FHIP1A: variants seen among roughly 807,000 people sequenced by gnomAD.
FHIP1A encodes the protein FHF complex subunit HOOK-interacting protein 1A.
FHIP1A carries 61 observed loss-of-function variants against 88.6 expected under a neutral mutation model. The observed-to-expected ratio is 0.69, with a 90% CI of 0.56 to 0.85. The LOEUF is 0.85. FHIP1A is among the 40% of genes least tolerant of loss of function. The pLI, the probability that FHIP1A is intolerant of heterozygous loss-of-function variation, is 0.00. For missense variants in FHIP1A, 1,154 were observed against 1,273.5 expected, an observed-to-expected ratio of 0.91 and a Z score of 1.43; for synonymous variants, 478 against 496.0, an observed-to-expected ratio of 0.96 and a Z score of 0.48.
At chr4:151,419,026 G>A (rs540987560) in intron 1 of FHIP1A, among the ~76,000 whole-genome samples, 27 of 152,228 alleles carry the variant, frequency 1.8e-4, no homozygotes, top group Admixed American at 1.7e-3. Flanking sequence ...CTCAACTCAA[G>A]GCGTGATGGT....
chr4:151,445,198 T>C lies in FHIP1A; in HGVS notation c.-355-9503T>C, dbSNP rs551170071. Among the ~76,000 whole-genome samples, 3 of 152,244 alleles carry C rather than the reference T, an allele frequency of 2.0e-5. No homozygotes were observed. The East Asian group carries it at 5.8e-4, about 29-fold the overall frequency. The stretch of plus-strand genomic sequence containing the variant: ...TGTTACTAATTTACTACAAAGTATA[T>C]ATTAAAGGATACAAATGAACAACCA... On this transcript the variant is annotated intron_variant, in intron 1 of 13. Transcript: ENST00000435205.
chr4:151,502,093 A>G (rs949496029), intron 3 of FHIP1A, among the ~76,000 whole-genome samples: 10 of 151,182 alleles, frequency 6.6e-5, no homozygotes, highest in African/African-American at 2.4e-4. Context: ...ATGTGGGAGA[A>G]TCACTTGAGC....
At chr4:151,575,647 C>T (rs554146806) in intron 4 of FHIP1A, among the ~76,000 whole-genome samples, 4 of 152,142 alleles carry the variant, frequency 2.6e-5, no homozygotes, top group Non-Finnish European at 4.4e-5. Context: ...ATTTTTTTGC[C>T]TTTGTGACAC....
chr4:151,448,149 C>T (rs1465055911), intron 1 of FHIP1A, among the ~76,000 whole-genome samples: 1 of 151,910 alleles, frequency 6.6e-6, no homozygotes, highest in Non-Finnish European at 1.5e-5. Flanking sequence ...GAGCTCCTGG[C>T]CTCAAGTGAC....
At chr4:151,454,340 T>C (rs1728897355) in intron 1 of FHIP1A, among the ~76,000 whole-genome samples, 1 of 152,184 alleles carries the variant, frequency 6.6e-6, no homozygotes, top group East Asian at 1.9e-4. Context: ...TTCCTCCCTG[T>C]TTGGGCCAAA....
intron 3 of FHIP1A, among the ~76,000 whole-genome samples, chr4:151,513,348 A>G (rs1262247348): frequency 3.9e-5 from 6 of 152,242 alleles, no homozygotes; most frequent in Admixed American, 6.5e-5. Flanking sequence ...CTGCAAAATC[A>G]TGCCAAATTG....
At chr4:151,638,447 G>T (rs2126890718) in intron 8 of FHIP1A, among the ~76,000 whole-genome samples, 1 of 151,322 alleles carries the variant, frequency 6.6e-6, no homozygotes, top group South Asian at 2.1e-4. Context: ...TTTGTAGGAA[G>T]ATAATTCTGC....
intron 3 of FHIP1A, among the ~76,000 whole-genome samples, chr4:151,492,630 ACTC>A (rs1238834640): frequency 1.3e-5 from 2 of 151,212 alleles, no homozygotes; most frequent in African/African-American, 4.9e-5. Context: ...TATATCAAGT[ACTC>A]CTCTCTCAGA....
intron 3 of FHIP1A, among the ~76,000 whole-genome samples, chr4:151,535,362 T>C (rs982632163): frequency 6.6e-6 from 1 of 152,224 alleles, no homozygotes; most frequent in Non-Finnish European, 1.5e-5. Context: ...TGGGGACCAG[T>C]CTTTTTTCCT....
chr4:151,650,312 A>C lies in FHIP1A; in HGVS notation c.2271A>C (p.Gln757His). ...ESEELIAQYD[Q>H]IIKELDSGAE... ...AGGAGCTCATTGCCCAGTATGACCA[A>C]ATCATTAAAGAGCTGGATTCCGGCG... Residue 757 changes from glutamine to histidine, a missense_variant, in exon 11 of 14, where the codon CAA (glutamine) becomes CAC (histidine). Gln to His is a conservative substitution (Grantham distance 24). Coordinates refer to ENST00000435205, the MANE Select transcript of FHIP1A (RefSeq NM_001109977.3). The C allele has an allele frequency of 6.4e-7, 1 of 1,551,706 alleles. No homozygotes were observed. The highest frequency in any genetic ancestry group is 8.7e-7 in the Non-Finnish European group (1 of 1,146,998).
intron 13 of FHIP1A, among the ~76,000 whole-genome samples, chr4:151,660,181 C>T (rs1737401957): frequency 6.6e-6 from 1 of 152,184 alleles, no homozygotes; most frequent in Admixed American, 6.5e-5. Context: ...GGCCAAGACC[C>T]CGGAGGGGAG....
intron 5 of FHIP1A, 127 bp downstream of exon 5, chr4:151,578,203 T>C: frequency 1.2e-6 from 1 of 851,338 alleles, no homozygotes; most frequent in Non-Finnish European, 1.8e-6. Flanking sequence ...TATGGAAGGA[T>C]GTTTAGAGGA....
chr4:151,539,064 A>T (rs889663625), intron 3 of FHIP1A, among the ~76,000 whole-genome samples: 1 of 152,112 alleles, frequency 6.6e-6, no homozygotes, highest in Admixed American at 6.5e-5. Flanking sequence ...TGCAAATTAA[A>T]CTCTGGGGAT....
Position 151,649,481 on chromosome 4 carries a change from C to A in FHIP1A, c.1440C>A (p.Pro480=). The stretch of plus-strand genomic sequence containing the variant: ...CAGGGCCTGTGGAGCGGCCATTCCC[C>A]GAAGCGTTCTCCGAGTCAGCCTGCA... ...DTSGPVERPF[P]EAFSESACIV... is the part of the protein sequence containing the mutation. The change falls in exon 11 of 14, where the codon CCC becomes CCA. Residue 480 remains proline, a synonymous_variant. Transcript: ENST00000435205. 6.5e-7 allele frequency: 1 copy of A among 1,550,194 alleles called. No individual in the cohort carries two copies. The highest frequency in any genetic ancestry group is 8.7e-7 in the Non-Finnish European group (1 of 1,146,252).
At chr4:151,533,492 A>G (rs918681693) in intron 3 of FHIP1A, among the ~76,000 whole-genome samples, 1 of 152,196 alleles carries the variant, frequency 6.6e-6, no homozygotes, top group African/African-American at 2.4e-5. Flanking sequence ...TGTGACTTCC[A>G]ATTTTGTAGG....
At position 151,665,760 on chromosome 4, in the gene FHIP1A, C is replaced by T. The variant is rs1297546811; in HGVS notation, c.*3006C>T. On this transcript the variant is annotated 3_prime_UTR_variant, in exon 14 of 14. Coordinates refer to ENST00000435205, the MANE Select transcript of FHIP1A (RefSeq NM_001109977.3). ...AGAATATTCTGGTCCTAAAGTAAAT[C>T]GGCAAGCCCTTAGAAATATCTTTTT... Among the ~76,000 whole-genome samples, 4 of 152,188 alleles carry T rather than the reference C, an allele frequency of 2.6e-5. No homozygotes were observed. Among genetic ancestry groups the T allele is most frequent in the South Asian group, 2.1e-4 (1 of 4,820 alleles).
At chr4:151,434,501 A>G (rs1733726921) in intron 1 of FHIP1A, among the ~76,000 whole-genome samples, 1 of 152,198 alleles carries the variant, frequency 6.6e-6, no homozygotes, top group African/African-American at 2.4e-5. Flanking sequence ...GAAAAATGAT[A>G]TAACAGGGAG....
intron 7 of FHIP1A, among the ~76,000 whole-genome samples, chr4:151,624,376 C>T (rs1384346076): frequency 6.6e-6 from 1 of 152,100 alleles, no homozygotes; most frequent in African/African-American, 2.4e-5. Context: ...AGTGGCACTG[C>T]CTCCCACGTG....
intron 13 of FHIP1A, among the ~76,000 whole-genome samples, chr4:151,660,461 G>A (rs936398413): frequency 5.3e-5 from 8 of 152,158 alleles, no homozygotes; most frequent in Non-Finnish European, 1.0e-4. Context: ...AGAGGAATAC[G>A]AGCAGCTGCA....
Sources: gnomAD v4.1 joint callset for allele counts (sites outside exome capture counted in the v4.1 genomes callset) on GRCh38, gnomAD v4.1.1 for gene constraint, MANE v1.5 for transcripts, NCBI Gene and HGNC (gene_info 2026-07-23, HGNC 2026-07-21) for gene names.